The following PCDHA6 variants were observed in gnomAD, a reference collection of about 807,000 sequenced individuals.
PCDHA6 encodes the protein protocadherin alpha-6.
In PCDHA6, 55 loss-of-function variants were observed where a neutral mutation model predicts 60.3. The observed-to-expected ratio is 0.91, with a 90% CI of 0.73 to 1.14. The LOEUF (loss-of-function observed/expected upper bound fraction) is 1.14, where lower values mean the gene tolerates loss of function less well. PCDHA6 is among the 50% of genes most tolerant of loss of function. PCDHA6 has a pLI of 0.00. For synonymous variants in PCDHA6, 652 were observed against 557.9 expected, an observed-to-expected ratio of 1.17 and a Z score of -2.38; for missense variants, 1,327 against 1,256.5, an observed-to-expected ratio of 1.06 and a Z score of -0.85.
At chr5:140,948,979 G>T (rs2094330965) in intron 1 of PCDHA6, among the ~76,000 whole-genome samples, 1 of 151,514 alleles carries the variant, frequency 6.6e-6, no homozygotes, top group South Asian at 2.1e-4. Flanking sequence ...AGTATGAACT[G>T]CTTTATTTGC....
At chr5:140,959,602 C>CTT (rs1554224184) in intron 1 of PCDHA6, among the ~76,000 whole-genome samples, 1 of 152,008 alleles carries the variant, frequency 6.6e-6, no homozygotes, top group African/African-American at 2.4e-5. Context: ...GTATAACATG[C>CTT]TTTTCTTGCT....
rs2040836417 is a variant in PCDHA6 at position 140,849,271 on chromosome 5, C to G, written c.2394+18786C>G. ...TTACCAGAAAACGTTTCTATCGGAA[C>G]GCTGGTGATTCACCCCAATGCCTCA... is the stretch of plus-strand genomic sequence containing the variant. On this transcript the variant is annotated intron_variant, in intron 1 of 3. Coordinates refer to ENST00000529310, the MANE Select transcript of PCDHA6 (RefSeq NM_018909.4). 10 of 1,147,158 alleles carry G rather than the reference C, an allele frequency of 8.7e-6. No individual in the cohort carries two copies. In the East Asian group the frequency reaches 2.3e-4, roughly 26 times the overall value. 71.1% of individuals were successfully genotyped at this position (1,147,158 alleles called of 1,614,324 possible).
At position 140,978,795 on chromosome 5, in the gene PCDHA6, G is replaced by A. The variant is rs1437973642; in HGVS notation, c.2395-154G>A. 3 of 979,120 alleles carry A rather than the reference G, an allele frequency of 3.1e-6. No individual in the cohort carries two copies. The African/African-American group carries it at 5.3e-5, about 17-fold the overall frequency. The allele number at this position is 979,120 out of a possible 1,614,324, so 60.7% of individuals were successfully genotyped here. On this transcript the variant is annotated intron_variant, in intron 1 of 3. Coordinates refer to ENST00000529310, the MANE Select transcript of PCDHA6 (RefSeq NM_018909.4). ...AATTTTCTTCTAAAGTGCTATATAT[G>A]TAGATATCATCATAGAGTTACACAT...
intron 1 of PCDHA6, chr5:140,865,437 T>G (rs951308725): frequency 2.0e-5 from 3 of 152,200 alleles, no homozygotes; most frequent in Admixed American, 6.5e-5. Flanking sequence ...GAAAAATAAC[T>G]TCTGAGAAGA....
At chr5:140,841,880 G>C (rs1777553890) in intron 1 of PCDHA6, 18 of 1,613,708 alleles carry the variant, frequency 1.1e-5, no homozygotes, top group Non-Finnish European at 1.4e-5. Flanking sequence ...TTCAAAGAAC[G>C]ATGAGAATAA....
chr5:140,966,532 G>A (rs1418404048), intron 1 of PCDHA6: 7 of 447,876 alleles, frequency 1.6e-5, no homozygotes, highest in East Asian at 3.5e-5. Flanking sequence ...GAGCCGGGTT[G>A]AGCGACTCGG....
chr5:141,005,701 CAAAAAAAAAAAAA>C (rs59860837), intron 3 of PCDHA6, among the ~76,000 whole-genome samples: 12 of 7,786 alleles, frequency 1.5e-3, no homozygotes, highest in Non-Finnish European at 2.7e-3. Context: ...AACTCCGTCT[CAAAAAAAAAAAAA>C]AAAAAAAAAA....
intron 1 of PCDHA6, chr5:140,852,271 A>C (rs1554145738): frequency 6.0e-6 from 3 of 502,014 alleles, no homozygotes; most frequent in African/African-American, 2.1e-5. Context: ...ACAATATTAC[A>C]TGTTTTTTGT....
In PCDHA6 at chr5:140,857,536, G is replaced by A. The variant is rs782533924; in HGVS notation, c.2394+27051G>A. The A allele has an allele frequency of 2.5e-6, 4 of 1,597,412 alleles. No homozygotes were observed. In the South Asian group the frequency reaches 4.4e-5, roughly 18 times the overall value. ...TGGTGTCCTACTCTCTGGTGGAGCG[G>A]CGGTTGGGCGAGCGCTCGCTGTCGA... On this transcript the variant is annotated intron_variant, in intron 1 of 3. Coordinates refer to ENST00000529310, the MANE Select transcript of PCDHA6 (RefSeq NM_018909.4).
intron 1 of PCDHA6, chr5:140,836,156 G>T: frequency 6.2e-7 from 1 of 1,613,820 alleles, no homozygotes; most frequent in Non-Finnish European, 8.5e-7. Flanking sequence ...GCCATGTGGT[G>T]GCGAAGGTAC....
chr5:140,830,344 G>A lies in PCDHA6; in HGVS notation c.2253G>A (p.Ser751=). 1.2e-6 allele frequency: 2 copies of A among 1,614,112 alleles called. No homozygotes were observed. The highest frequency in any genetic ancestry group is 1.7e-6 in the Non-Finnish European group (2 of 1,179,976). The change falls in exon 1 of 4, where the codon TCG becomes TCA. Residue 751 remains serine (S), a synonymous_variant. Transcript: ENST00000529310. ...CSSAVGSWSY[S]QQRRQRVCSG... is the part of the protein sequence containing the mutation. ...GCGCAGTGGGGAGCTGGTCGTACTC[G>A]CAGCAGAGGCGGCAGAGGGTGTGCT...
intron 1 of PCDHA6, among the ~76,000 whole-genome samples, chr5:140,904,217 T>C (rs1554191375): frequency 6.6e-6 from 1 of 151,964 alleles, no homozygotes; most frequent in Non-Finnish European, 1.5e-5. Flanking sequence ...CCAAAGTCCA[T>C]TGTATTATAC....
At position 140,999,623 on chromosome 5, in the gene PCDHA6, A is replaced by G. The variant is rs188539860; in HGVS notation, c.2543-10004A>G. ...CCTGGGGGACCTTATCAACCAGGAAACAAGGTAGAGAAAACTGTGCAGCCT... is the reference window on the plus strand; with the variant it reads ...CCTGGGGGACCTTATCAACCAGGAAGCAAGGTAGAGAAAACTGTGCAGCCT... On this transcript the variant is annotated intron_variant, in intron 3 of 3. Transcript: ENST00000529310. Among the ~76,000 whole-genome samples the G allele has an allele frequency of 1.3e-4, 20 of 152,330 alleles. No individual in the cohort carries two copies. In the East Asian group the frequency reaches 3.9e-3, roughly 29 times the overall value.
At chr5:140,927,157 G>T (rs868936673) in intron 1 of PCDHA6, 1 of 1,614,146 alleles carries the variant, frequency 6.2e-7, no homozygotes, top group Admixed American at 1.7e-5. Flanking sequence ...GCTGTGCAGG[G>T]CCAAAGCTGC....
At chr5:140,904,152 C>T (rs782254163) in intron 1 of PCDHA6, among the ~76,000 whole-genome samples, 16 of 152,024 alleles carry the variant, frequency 1.1e-4, no homozygotes, top group Non-Finnish European at 2.2e-4. Context: ...ATACATTGCA[C>T]CCAGTTTGTA....
intron 1 of PCDHA6, chr5:140,966,338 A>C (rs2095992774): frequency 2.5e-6 from 1 of 394,586 alleles, no homozygotes; most frequent in Non-Finnish European, 4.5e-6. Flanking sequence ...CGGCAGGTCC[A>C]GGGTGAAGGA....
chr5:140,899,674 T>A (rs2067476984), intron 1 of PCDHA6, among the ~76,000 whole-genome samples: 1 of 152,220 alleles, frequency 6.6e-6, no homozygotes, highest in African/African-American at 2.4e-5. Flanking sequence ...GGCTTTGGTA[T>A]CAGGATGATG....
At chr5:140,871,804 T>C (rs538101432) in intron 1 of PCDHA6, among the ~76,000 whole-genome samples, 75 of 152,364 alleles carry the variant, frequency 4.9e-4, no homozygotes, top group Non-Finnish European at 7.9e-4. Flanking sequence ...ATTACTATTT[T>C]CACTAAAGTA....
intron 1 of PCDHA6, chr5:140,848,197 A>G: frequency 3.2e-6 from 1 of 310,898 alleles, no homozygotes; most frequent in Middle Eastern, 9.7e-4. Flanking sequence ...TTCTGTTTCA[A>G]CAATCATTAC....
Sources: allele counts gnomAD v4.1 joint callset (sites outside exome capture counted in the v4.1 genomes callset), GRCh38; gene constraint gnomAD v4.1.1; transcripts MANE v1.5; gene names NCBI Gene and HGNC (gene_info 2026-07-23, HGNC 2026-07-21).